DCAF8L2: variants seen among roughly 807,000 people sequenced by gnomAD.
DCAF8L2 encodes DDB1 and CUL4 associated factor 8 like 2, also known as DDB1- and CUL4-associated factor 8-like protein 2.
For synonymous variants in DCAF8L2, 200 were observed against 190.9 expected, an observed-to-expected ratio of 1.05 and a Z score of -0.39; for missense variants, 430 against 490.7, an observed-to-expected ratio of 0.88 and a Z score of 1.17.
chrX:27,744,394 T>C (rs1414907757), intron 4 of DCAF8L2, among the ~76,000 whole-genome samples: 2 of 111,667 alleles, frequency 1.8e-5, no homozygotes, highest in Non-Finnish European at 3.8e-5. Context: ...TTTTATATTA[T>C]GTAAATTCTT....
At chrX:27,533,164 G>GAGAGAGAC in the DCAF8L2 span, among the ~76,000 whole-genome samples, 1 of 17,351 alleles carries the variant, frequency 5.8e-5, no homozygotes, top group Non-Finnish European at 1.4e-4. Context: ...GAGAGAGAGA[G>GAGAGAGAC]AGAAAGAAAG....
At chrX:27,505,285 G>A in the DCAF8L2 span, among the ~76,000 whole-genome samples, 1 of 111,095 alleles carries the variant, frequency 9.0e-6, no homozygotes, top group African/African-American at 3.3e-5. Context: ...AGCTTTTGCT[G>A]TCATCCAATA....
chrX:27,691,000 A>G (rs1343266682), intron 3 of DCAF8L2, among the ~76,000 whole-genome samples: 1 of 111,714 alleles, frequency 9.0e-6, no homozygotes, highest in Non-Finnish European at 1.9e-5. Context: ...TTTTAAAATG[A>G]GGGATGAAAA....
At chrX:27,745,087 G>A (rs1922095878) in intron 4 of DCAF8L2, among the ~76,000 whole-genome samples, 1 of 111,857 alleles carries the variant, frequency 8.9e-6, no homozygotes, top group Non-Finnish European at 1.9e-5. Flanking sequence ...GGCTGAGCAA[G>A]ACCCCTTGTT....
chrX:27,499,005 T>C, the DCAF8L2 span, among the ~76,000 whole-genome samples: 2 of 112,484 alleles, frequency 1.8e-5, no homozygotes, highest in South Asian at 7.3e-4. Context: ...CATATCTTGG[T>C]TATTGTGAAT....
rs1036365466 is a variant in DCAF8L2 at position 27,749,802 on chromosome X, A to G, written c.*1011A>G. Among the ~76,000 whole-genome samples the G allele has an allele frequency of 8.0e-5, 9 of 112,684 alleles. No individual in the cohort carries two copies. Among genetic ancestry groups the G allele is most frequent in the African/African-American group, 2.9e-4 (9 of 31,055 alleles). ...TTGGTGTAATTGGTAGAAAAATCCT[A>G]TTTGACATCCTCACATTGCTTAAAA... On this transcript the variant is annotated 3_prime_UTR_variant, in exon 5 of 5. Transcript: ENST00000451261.
the DCAF8L2 span, among the ~76,000 whole-genome samples, chrX:27,512,779 CAAAAA>C: frequency 5.6e-3 from 103 of 18,500 alleles, no homozygotes; most frequent in Non-Finnish European, 7.7e-3. Context: ...CAATCTTGAG[CAAAAA>C]AAAAAAAAAA....
intron 3 of DCAF8L2, among the ~76,000 whole-genome samples, chrX:27,696,232 T>A (rs1365237727): frequency 7.9e-3 from 291 of 36,754 alleles, no homozygotes; most frequent in Admixed American, 0.01. Flanking sequence ...AAAGAAAGAA[T>A]GAAAGAAAGA....
At chrX:27,504,800 G>A in the DCAF8L2 span, among the ~76,000 whole-genome samples, 1 of 111,068 alleles carries the variant, frequency 9.0e-6, no homozygotes, top group African/African-American at 3.3e-5. Context: ...CCAGTCCCTA[G>A]GTAGAAAGAC....
At chrX:27,684,363 A>G (rs936148826) in intron 3 of DCAF8L2, among the ~76,000 whole-genome samples, 3 of 112,051 alleles carry the variant, frequency 2.7e-5, no homozygotes, top group Non-Finnish European at 3.8e-5. Flanking sequence ...CCCAGCATCT[A>G]TTTTCATCAA....
chrX:27,669,628 C>T (rs1264127694), intron 2 of DCAF8L2, among the ~76,000 whole-genome samples: 1 of 108,566 alleles, frequency 9.2e-6, no homozygotes. Context: ...CTCCCCCGCC[C>T]CCGCTCCATG....
the DCAF8L2 span, among the ~76,000 whole-genome samples, chrX:27,525,596 A>T: frequency 9.0e-6 from 1 of 111,671 alleles, no homozygotes; most frequent in Non-Finnish European, 1.9e-5. Flanking sequence ...TATTTTGCTC[A>T]TTAGTTGATG....
At chrX:27,666,018 T>C (rs1296418920) in intron 2 of DCAF8L2, among the ~76,000 whole-genome samples, 1 of 111,656 alleles carries the variant, frequency 9.0e-6, no homozygotes, top group Non-Finnish European at 1.9e-5. Flanking sequence ...TACCTGTATA[T>C]GTACTATTAA....
At chrX:27,722,743 G>T in intron 4 of DCAF8L2, among the ~76,000 whole-genome samples, 1 of 110,703 alleles carries the variant, frequency 9.0e-6, no homozygotes, top group East Asian at 2.8e-4. Context: ...ATAACAAAAT[G>T]CTCACTATCA....
At chrX:27,543,381 T>C in the DCAF8L2 span, among the ~76,000 whole-genome samples, 1 of 112,514 alleles carries the variant, frequency 8.9e-6, no homozygotes, top group Admixed American at 9.4e-5. Flanking sequence ...TTTTGGTTAC[T>C]GTAGCCTTGT....
At chrX:27,504,188 C>T in the DCAF8L2 span, among the ~76,000 whole-genome samples, 3 of 112,257 alleles carry the variant, frequency 2.7e-5, no homozygotes, top group African/African-American at 3.2e-5. Flanking sequence ...TTGGTTATCT[C>T]TTTAATCAGT....
chrX:27,514,177 TG>T, the DCAF8L2 span, among the ~76,000 whole-genome samples: 1 of 99,864 alleles, frequency 1.0e-5, no homozygotes, highest in Non-Finnish European at 2.0e-5. Flanking sequence ...CATATGTACA[TG>T]TATGTACCCG....
the DCAF8L2 span, among the ~76,000 whole-genome samples, chrX:27,550,192 A>G: frequency 8.9e-6 from 1 of 112,279 alleles, no homozygotes; most frequent in Non-Finnish European, 1.9e-5. Flanking sequence ...GTAGCTTGTA[A>G]TAAATGAAGG....
the DCAF8L2 span, chrX:27,518,956 GT>G: frequency 1.7e-6 from 1 of 605,339 alleles, no homozygotes; most frequent in African/African-American, 2.2e-5. Context: ...ACCTGATTTT[GT>G]TTTTTATGCA....
Sources: gnomAD v4.1 joint callset for allele counts (sites outside exome capture counted in the v4.1 genomes callset) on GRCh38, gnomAD v4.1.1 for gene constraint, MANE v1.5 for transcripts, NCBI Gene and HGNC (gene_info 2026-07-23, HGNC 2026-07-21) for gene names.